ZNF75D: variants seen among roughly 807,000 people sequenced by gnomAD.
The protein encoded by ZNF75D is zinc finger protein 75D, also known as zinc finger protein 75.
ZNF75D carries 33 observed loss-of-function variants against 33.3 expected under a neutral mutation model. The observed-to-expected ratio is 0.99, with a 90% confidence interval of 0.75 to 1.32. The LOEUF (loss-of-function observed/expected upper bound fraction) is 1.32, where lower values mean the gene tolerates loss of function less well. Ranked by LOEUF, ZNF75D falls within the 40% of genes most tolerant of loss-of-function variation. ZNF75D has a pLI of 0.00. For synonymous variants in ZNF75D, 113 were observed against 130.6 expected (o/e 0.87, Z 0.92); for missense variants, 338 against 367.5 (o/e 0.92, Z 0.66).
At chrX:135,288,410 C>T (rs992363585) in intron 6 of ZNF75D, among the ~76,000 whole-genome samples, 2 of 112,290 alleles carry the variant, frequency 1.8e-5, no homozygotes, top group Non-Finnish European at 3.8e-5. Flanking sequence ...CTTCAGAAGA[C>T]TAGTAGGATT....
chrX:135,267,449 C>T (rs1160643805), intron 1 of ZNF75D, among the ~76,000 whole-genome samples: 1 of 111,028 alleles, frequency 9.0e-6, no homozygotes, highest in Non-Finnish European at 1.9e-5. Flanking sequence ...ACTGATACCA[C>T]AGAAATTCAA....
chrX:135,257,486 C>G (rs184798786), intron 1 of ZNF75D, among the ~76,000 whole-genome samples: 2 of 113,425 alleles, frequency 1.8e-5, no homozygotes, highest in Admixed American at 1.8e-4. Context: ...GGAGCGCCAG[C>G]TTAGCTGCAG....
rs782127451 is a variant in ZNF75D, at chrX:135,291,547, C to A, written c.621G>T (p.Gln207His). The A allele has an allele frequency of 5.8e-6, 7 of 1,208,860 alleles. No individual in the cohort carries two copies. The East Asian group carries it at 2.1e-4, about 36-fold the overall frequency. Residue 207 changes from glutamine (Q) to histidine (H), a missense_variant, in exon 5 of 7, where the codon CAG becomes CAT. Coordinates refer to ENST00000370766, the MANE Select transcript of ZNF75D (RefSeq NM_007131.5). The part of the protein sequence containing the change: ...PVYERAVHDQ[Q>H]MLALSEQKRI... The stretch of plus-strand genomic sequence containing the variant: ...TTTTCTGCTCAGAAAGGGCTAACAT[C>A]TGTTGATCATGCACAGCTGTGGGTA...
intron 1 of ZNF75D, among the ~76,000 whole-genome samples, chrX:135,268,786 C>T (rs952995815): frequency 1.8e-5 from 2 of 111,082 alleles, no homozygotes; most frequent in African/African-American, 6.5e-5. Context: ...CCCAGAAGAG[C>T]CAAAGCTGTC....
At chrX:135,256,377 AAAC>A (rs1319771248) in intron 1 of ZNF75D, among the ~76,000 whole-genome samples, 1 of 108,101 alleles carries the variant, frequency 9.3e-6, no homozygotes, top group Admixed American at 9.8e-5. Context: ...TCACAGCTGA[AAAC>A]AAATCCATGC....
chrX:135,258,179 A>ATATGGGCCACATTTTCT (rs782362401), intron 1 of ZNF75D, among the ~76,000 whole-genome samples: 1 of 79,413 alleles, frequency 1.3e-5, no homozygotes, highest in Non-Finnish European at 3.3e-5. Context: ...TCCATGGTGT[A>ATATGGGCCACATTTTCT]TAATCCAGTC....
At position 135,287,617 on chromosome X, in the gene ZNF75D, A is replaced by C; in HGVS notation, c.1053T>G (p.Leu351=). ...PATCKQELPK[L]MDLHGKGPTG... Reference sequence around the variant, plus strand: ...TGGGGCCTTTCCCATGAAGATCCATAAGTTTTGGAAGCTCTTGTTTACAAG... The same window carrying C: ...TGGGGCCTTTCCCATGAAGATCCATCAGTTTTGGAAGCTCTTGTTTACAAG... Residue 351 remains leucine, a synonymous_variant, in exon 7 of 7, where the codon CTT becomes CTG. Transcript: ENST00000370766. 1 of 1,209,965 alleles carries C rather than the reference A, an allele frequency of 8.3e-7. No homozygotes were observed.
chrX:135,326,889 G>A (rs1435783244), intron 1 of ZNF75D, among the ~76,000 whole-genome samples: 1 of 112,167 alleles, frequency 8.9e-6, no homozygotes, highest in Non-Finnish European at 1.9e-5. Flanking sequence ...AACTCCAGAC[G>A]CGCCACCTTA....
chrX:135,265,111 C>T (rs1161260745), intron 1 of ZNF75D, among the ~76,000 whole-genome samples: 3 of 109,582 alleles, frequency 2.7e-5, no homozygotes, highest in Non-Finnish European at 5.7e-5. Flanking sequence ...CCTAGCTACT[C>T]GGGAGGCTGA....
chrX:135,337,966 T>C (rs1001360162), intron 1 of ZNF75D, among the ~76,000 whole-genome samples: 2 of 110,087 alleles, frequency 1.8e-5, no homozygotes, highest in Non-Finnish European at 3.8e-5. Flanking sequence ...TTTGAGGATT[T>C]TGGGGGTTGA....
chrX:135,297,179 C>T (rs1180939994), intron 1 of ZNF75D: 1 of 111,774 alleles, frequency 8.9e-6, no homozygotes, highest in East Asian at 2.8e-4. Context: ...TGAAAAACCA[C>T]TCAGACAAGC....
intron 1 of ZNF75D, among the ~76,000 whole-genome samples, chrX:135,324,023 ACG>A (rs1491136917): frequency 4.8e-5 from 5 of 105,225 alleles, no homozygotes; most frequent in African/African-American, 1.1e-4. Flanking sequence ...ACACACACAC[ACG>A]CACACCCAAA....
At chrX:135,259,271 A>T (rs6638338) in intron 1 of ZNF75D, among the ~76,000 whole-genome samples, 19,598 of 111,075 alleles carry the variant, frequency 0.18, 1,620 homozygotes, top group East Asian at 0.43. Flanking sequence ...TTGTCTTGGC[A>T]ATGCAGGCTC....
intron 1 of ZNF75D, among the ~76,000 whole-genome samples, chrX:135,315,850 C>A (rs781801871): frequency 1.8e-5 from 2 of 111,691 alleles, no homozygotes; most frequent in Admixed American, 9.5e-5. Flanking sequence ...ATAGGCAGCA[C>A]GTAGTTAGAT....
At chrX:135,274,843 T>C (rs2083894237) in intron 1 of ZNF75D, among the ~76,000 whole-genome samples, 1 of 112,116 alleles carries the variant, frequency 8.9e-6, no homozygotes, top group East Asian at 2.8e-4. Context: ...TCTAAAATCA[T>C]GTATTGTTCT....
chrX:135,306,284 T>TAC lies in ZNF75D; in HGVS notation c.-390-10247_-390-10246dup, dbSNP rs1355135835. Among the ~76,000 whole-genome samples, 534 of 53,792 alleles carry TAC rather than the reference T, an allele frequency of 9.9e-3. 3 individuals are homozygous for TAC. Among genetic ancestry groups the TAC allele is most frequent in the African/African-American group, 0.033 (485 of 14,751 alleles). The allele number at this position is 53,792 out of a possible 115,157, so 46.7% of individuals were successfully genotyped here. ...CTTCAGGAAGACAGGACAACAGAGA[T>TAC]ACATACACACACACACACACACACA... On this transcript the variant is annotated intron_variant, in intron 1 of 6. Coordinates refer to ENST00000370766, the MANE Select transcript of ZNF75D (RefSeq NM_007131.5).
chrX:135,257,764 A>G (rs782318438), intron 1 of ZNF75D, among the ~76,000 whole-genome samples: 29 of 112,448 alleles, frequency 2.6e-4, no homozygotes, highest in African/African-American at 8.1e-4. Flanking sequence ...TTTCTGGAGG[A>G]GGGGAGGTCT....
At chrX:135,284,898 C>A (rs1376983185), downstream of ZNF75D, among the ~76,000 whole-genome samples, 1 of 111,858 alleles carries the variant, frequency 8.9e-6, no homozygotes, top group Non-Finnish European at 1.9e-5. Flanking sequence ...TTTTAGTTAA[C>A]CTCCCTTCTT....
chrX:135,293,999 C>T lies in ZNF75D; in HGVS notation c.142G>A (p.Ala48Thr), dbSNP rs1447776875. ...TKIENLGPES[A>T]CRHFWSFRYH... ...CGGAAGCTCCAGAAGTGCCTGCAAG[C>T]GCTCTCAGGACCAAGATTCTCTATT... The change falls in exon 3 of 7, where the codon GCT (alanine) becomes ACT (threonine). Residue 48 changes from alanine (A) to threonine (T), a missense_variant. Physicochemically the swap from Ala to Thr is moderately conservative, Grantham distance 58. This residue lies in a region of ZNF75D where 254 missense variants were observed against 267.7 expected (regional missense o/e 0.95). Transcript: ENST00000370766. The T allele has an allele frequency of 5.8e-6, 7 of 1,211,961 alleles. No homozygotes were observed. Among genetic ancestry groups the T allele is most frequent in the Non-Finnish European group, 7.8e-6 (7 of 895,503 alleles).
Sources: gnomAD v4.1 joint callset for allele counts (sites outside exome capture counted in the v4.1 genomes callset) on GRCh38, gnomAD v4.1.1 for gene constraint, gnomAD v4.1.1 regional missense constraint, MANE v1.5 for transcripts, NCBI Gene and HGNC (gene_info 2026-07-23, HGNC 2026-07-21) for gene names.